CAPS2: variants seen among roughly 807,000 people sequenced by gnomAD.
The protein encoded by CAPS2 is calcyphosine 2.
Under a neutral mutation model 86.5 loss-of-function variants are expected in CAPS2, and 98 were observed. The ratio of observed to expected loss-of-function variants is 1.13; its 90% CI spans 0.96 to 1.34. The LOEUF is 1.34. Among genes scored for constraint, CAPS2 ranks in the 40% most tolerant of loss-of-function variants. The pLI is 0.00. For synonymous variants in CAPS2, 210 were observed against 225.1 expected, an observed-to-expected ratio of 0.93 and a Z score of 0.60; for missense variants, 729 against 686.8, an observed-to-expected ratio of 1.06 and a Z score of -0.69.
At chr12:75,279,502 T>C (rs1356401971) in intron 16 of CAPS2, among the ~76,000 whole-genome samples, 1 of 151,968 alleles carries the variant, frequency 6.6e-6, no homozygotes, top group African/African-American at 2.4e-5. Flanking sequence ...CAGGCTTAGA[T>C]GGGAATACTA....
intron 1 of CAPS2, among the ~76,000 whole-genome samples, chr12:75,378,381 A>G (rs1419166540): frequency 6.6e-6 from 1 of 152,202 alleles, no homozygotes; most frequent in Non-Finnish European, 1.5e-5. Flanking sequence ...CCAGAGAAAC[A>G]CAACCAATAG....
chr12:75,324,269 A>G (rs1414520740), intron 2 of CAPS2, among the ~76,000 whole-genome samples: 1 of 152,220 alleles, frequency 6.6e-6, no homozygotes, highest in African/African-American at 2.4e-5. Flanking sequence ...AGAGTTCAGC[A>G]ACAAAACAAA....
At chr12:75,350,114 T>G (rs904599534) in intron 1 of CAPS2, among the ~76,000 whole-genome samples, 10 of 152,324 alleles carry the variant, frequency 6.6e-5, no homozygotes, top group Non-Finnish European at 1.3e-4. Flanking sequence ...GCACAGCCAC[T>G]GTGACAGTTT....
chr12:75,291,587 A>G (rs1481935272), intron 13 of CAPS2, among the ~76,000 whole-genome samples, 157 bp downstream of exon 13: 1 of 82,114 alleles, frequency 1.2e-5, no homozygotes, highest in Non-Finnish European at 2.8e-5. Flanking sequence ...ATATATATAT[A>G]TATATATATA....
At chr12:75,303,951 T>A (rs558668543) in intron 8 of CAPS2, among the ~76,000 whole-genome samples, 3 of 152,154 alleles carry the variant, frequency 2.0e-5, no homozygotes, top group African/African-American at 7.2e-5. Flanking sequence ...TTCTAGAAGC[T>A]GCAAAAGGCA....
upstream of CAPS2, among the ~76,000 whole-genome samples, chr12:75,333,311 AATGTATGTGTGTAT>A (rs2041471608): frequency 6.6e-6 from 1 of 151,926 alleles, no homozygotes; most frequent in Admixed American, 6.6e-5. Context: ...TACATATATA[AATGTATGTGTGTAT>A]ATGTATGTGT....
chr12:75,349,845 C>T (rs931631647), intron 1 of CAPS2, among the ~76,000 whole-genome samples: 1 of 152,124 alleles, frequency 6.6e-6, no homozygotes, highest in Admixed American at 6.5e-5. Flanking sequence ...AAAAAATTAT[C>T]CAAGATAGAA....
chr12:75,286,305 G>A (rs2034855247), intron 14 of CAPS2, among the ~76,000 whole-genome samples: 1 of 151,826 alleles, frequency 6.6e-6, no homozygotes, highest in African/African-American at 2.4e-5. Context: ...ACATTATGCA[G>A]ACTTTAAGTG....
At chr12:75,278,525 T>C (rs1404697696) in exon 17 of CAPS2, 1 of 992,342 alleles carries the variant, frequency 1.0e-6, no homozygotes, top group Non-Finnish European at 1.2e-6. Context: ...GAAACTTGGT[T>C]AATAAATAGA....
At chr12:75,300,250 T>A (rs1220148052) in intron 8 of CAPS2, among the ~76,000 whole-genome samples, 1 of 152,054 alleles carries the variant, frequency 6.6e-6, no homozygotes, top group African/African-American at 2.4e-5. Context: ...TTTGCTTCCC[T>A]CACACCATAG....
At chr12:75,376,704 G>A (rs537628777) in intron 1 of CAPS2, among the ~76,000 whole-genome samples, 16 of 152,308 alleles carry the variant, frequency 1.1e-4, no homozygotes, top group African/African-American at 3.8e-4. Flanking sequence ...CCCATTCCAA[G>A]TTGTAGGGTC....
chr12:75,320,882 G>A (rs944410690), intron 5 of CAPS2, among the ~76,000 whole-genome samples: 15 of 151,690 alleles, frequency 9.9e-5, no homozygotes, highest in African/African-American at 3.6e-4. Context: ...TTCATTAATA[G>A]TGAATTTATA....
At chr12:75,357,715 T>C (rs374032291) in intron 1 of CAPS2, among the ~76,000 whole-genome samples, 51 of 152,162 alleles carry the variant, frequency 3.4e-4, no homozygotes, top group African/African-American at 1.1e-3. Context: ...TTGTCCAATG[T>C]CCAATGTCCA....
intron 1 of CAPS2, chr12:75,344,020 G>C: frequency 8.4e-7 from 1 of 1,193,556 alleles, no homozygotes; most frequent in Non-Finnish European, 1.2e-6. Context: ...TATGTAAAGT[G>C]CCTTTATTTT....
intron 1 of CAPS2, among the ~76,000 whole-genome samples, chr12:75,339,865 A>T (rs2041985997): frequency 6.6e-6 from 1 of 151,930 alleles, no homozygotes; most frequent in Admixed American, 6.6e-5. Flanking sequence ...ATTTTGGTGC[A>T]CCCATCGCCC....
In CAPS2 at chr12:75,381,529, C is replaced by CTT. The variant is rs201207445; in HGVS notation, c.-395+9307_-395+9308dup. Among the ~76,000 whole-genome samples the CTT allele has an allele frequency of 1.1e-3, 136 of 118,364 alleles. 1 individual carries two copies. The highest frequency in any genetic ancestry group is 3.9e-3 in the African/African-American group (119 of 30,724). The allele number at this position is 118,364 out of a possible 152,430, so 77.7% of individuals were successfully genotyped here. A position where few individuals can be genotyped will look rare whatever the true frequency, so the allele number is the denominator to read the frequency against. On this transcript the variant is annotated intron_variant, in intron 1 of 5. Coordinates refer to the CAPS2 transcript ENST00000551829. ...TATTTCAACTACACTGTTATTTAGA[C>CTT]TTTTTTTTTTTTTTTTGGTATATTA...
chr12:75,377,960 G>A (rs914835752), intron 1 of CAPS2, among the ~76,000 whole-genome samples: 1 of 151,368 alleles, frequency 6.6e-6, no homozygotes, highest in Non-Finnish European at 1.5e-5. Flanking sequence ...TGTATATATT[G>A]TCAGATATCT....
At chr12:75,340,706 G>T (rs1344190955) in intron 1 of CAPS2, among the ~76,000 whole-genome samples, 1 of 148,058 alleles carries the variant, frequency 6.8e-6, no homozygotes. Context: ...CTCCTATCTA[G>T]AGAAAGAAGT....
intron 1 of CAPS2, among the ~76,000 whole-genome samples, chr12:75,372,502 G>A (rs2044424818): frequency 6.6e-6 from 1 of 152,166 alleles, no homozygotes; most frequent in South Asian, 2.1e-4. Context: ...TAGACCAGCA[G>A]AACGTAATGT....
Sources: allele counts gnomAD v4.1 joint callset (sites outside exome capture counted in the v4.1 genomes callset), GRCh38; gene constraint gnomAD v4.1.1; transcripts MANE v1.5; gene names NCBI Gene and HGNC (gene_info 2026-07-23, HGNC 2026-07-21).